Variants in TRIM44 observed in about 807,000 individuals in gnomAD.
TRIM44 encodes the protein tripartite motif containing 44, also known as tripartite motif-containing protein 44.
In TRIM44, 13 loss-of-function variants were observed where a neutral mutation model predicts 37.4. The observed-to-expected ratio is 0.35, with a 90% confidence interval of 0.23 to 0.55. The LOEUF is 0.55. Among genes scored for constraint, TRIM44 ranks in the 20% least tolerant of loss-of-function variants. The pLI is 0.89. For synonymous variants in TRIM44, 175 were observed against 157.2 expected (o/e 1.11, Z -0.85); for missense variants, 426 against 437.2 (o/e 0.97, Z 0.23).
Position 35,785,163 on chromosome 11 carries a change from C to CTAAATTTT in TRIM44, c.1008-21194_1008-21193insAAATTTTT, listed in dbSNP as rs1295416853. ...TTAATTAAAACACAAATGAATTTAG[C>CTAAATTTT]TCTGAATTGAATCTGACTTCCATAT... On this transcript the variant is annotated intron_variant, in intron 4 of 4. Coordinates refer to ENST00000299413, the MANE Select transcript of TRIM44 (RefSeq NM_017583.6). Among the ~76,000 whole-genome samples the CTAAATTTT allele has an allele frequency of 2.6e-5, 4 of 152,322 alleles. No individual in the cohort carries two copies. In the East Asian group the frequency reaches 7.7e-4, roughly 29 times the overall value.
At position 35,798,396 on chromosome 11, in the gene TRIM44, C is replaced by T. The variant is rs370365935; in HGVS notation, c.1008-7962C>T. Among the ~76,000 whole-genome samples, 11 of 152,206 alleles carry T rather than the reference C, an allele frequency of 7.2e-5. 1 individual carries two copies. The highest frequency in any genetic ancestry group is 4.6e-4 in the Admixed American group (7 of 15,282). On this transcript the variant is annotated intron_variant, in intron 4 of 4. Transcript: ENST00000299413. ...CTTTGGCTTAGTGATTTTGGGGTCC[C>T]GAGATTTATTTTCCTTTCATAGTTC...
At chr11:35,710,747 A>G (rs1590531749) in intron 2 of TRIM44, among the ~76,000 whole-genome samples, 1 of 152,268 alleles carries the variant, frequency 6.6e-6, no homozygotes, top group South Asian at 2.1e-4. Context: ...ACAGATGTAC[A>G]TTTCTCTTAC....
At chr11:35,780,273 C>G (rs1853045751) in intron 4 of TRIM44, among the ~76,000 whole-genome samples, 1 of 152,026 alleles carries the variant, frequency 6.6e-6, no homozygotes, top group Non-Finnish European at 1.5e-5. Flanking sequence ...AACATCAGCC[C>G]CAGTTTAATA....
At chr11:35,664,915 A>G (rs936869327) in intron 1 of TRIM44, among the ~76,000 whole-genome samples, 3 of 152,306 alleles carry the variant, frequency 2.0e-5, no homozygotes, top group Admixed American at 2.0e-4. Context: ...GCTTACCTTT[A>G]TGCTTTTACT....
intron 4 of TRIM44, among the ~76,000 whole-genome samples, chr11:35,737,695 G>C (rs1359061254): frequency 1.3e-5 from 2 of 152,060 alleles, no homozygotes; most frequent in Non-Finnish European, 2.9e-5. Flanking sequence ...AATTAGCCAA[G>C]GGTGGTGGCG....
rs576089292 is a variant in TRIM44, at chr11:35,772,503, G to A, written c.1008-33855G>A. ...CCTGCAAAGCCACAAGGGCAGAGCT[G>A]CCCAAGACCATGGGAACCCACCTCT... On this transcript the variant is annotated intron_variant, in intron 4 of 4. Coordinates refer to ENST00000299413, the MANE Select transcript of TRIM44 (RefSeq NM_017583.6). Among the ~76,000 whole-genome samples, 7 of 152,356 alleles carry A rather than the reference G, an allele frequency of 4.6e-5. No individual in the cohort carries two copies. In the South Asian group the frequency reaches 1.4e-3, roughly 32 times the overall value.
chr11:35,676,555 T>C (rs932123412), intron 1 of TRIM44, among the ~76,000 whole-genome samples: 1 of 152,226 alleles, frequency 6.6e-6, no homozygotes, highest in African/African-American at 2.4e-5. Context: ...GTCTTGCTGG[T>C]TGTCCTCTTT....
chr11:35,758,098 G>T (rs1281576194), intron 4 of TRIM44, among the ~76,000 whole-genome samples: 5 of 152,280 alleles, frequency 3.3e-5, no homozygotes, highest in Admixed American at 6.5e-5. Context: ...TGACAGTGGG[G>T]TGTTAAAGTC....
intron 4 of TRIM44, among the ~76,000 whole-genome samples, chr11:35,740,897 CT>C (rs1008418239): frequency 2.6e-5 from 4 of 152,034 alleles, no homozygotes; most frequent in Non-Finnish European, 4.4e-5. Context: ...AATTTTGTTT[CT>C]TTAAAAATTA....
At chr11:35,801,176 C>CTAGG (rs1853363572) in intron 4 of TRIM44, among the ~76,000 whole-genome samples, 2 of 152,334 alleles carry the variant, frequency 1.3e-5, no homozygotes, top group Admixed American at 1.3e-4. Context: ...TTTACTGCAA[C>CTAGG]TAGGCAACCA....
intron 2 of TRIM44, among the ~76,000 whole-genome samples, chr11:35,717,600 T>C (rs1195837418): frequency 6.6e-6 from 1 of 152,162 alleles, no homozygotes; most frequent in African/African-American, 2.4e-5. Flanking sequence ...TTAAACTCTT[T>C]CTCTATTGTA....
chr11:35,721,205 A>G (rs1014749713), intron 2 of TRIM44, among the ~76,000 whole-genome samples: 2 of 152,146 alleles, frequency 1.3e-5, no homozygotes, highest in Non-Finnish European at 2.9e-5. Flanking sequence ...CACCTGGCCT[A>G]TAATTCTTTT....
intron 4 of TRIM44, among the ~76,000 whole-genome samples, chr11:35,783,324 A>G (rs1259967737): frequency 6.6e-6 from 1 of 152,160 alleles, no homozygotes; most frequent in Non-Finnish European, 1.5e-5. Flanking sequence ...TTCTCCCTGT[A>G]GATCCAGCGA....
intron 2 of TRIM44, among the ~76,000 whole-genome samples, chr11:35,704,730 C>T (rs1202777186): frequency 6.6e-6 from 1 of 152,170 alleles, no homozygotes; most frequent in African/African-American, 2.4e-5. Flanking sequence ...TTGTCACCAC[C>T]AGGCCTGCCT....
intron 4 of TRIM44, among the ~76,000 whole-genome samples, chr11:35,737,429 TC>T (rs1852339901): frequency 6.6e-6 from 1 of 151,870 alleles, no homozygotes; most frequent in South Asian, 2.1e-4. Flanking sequence ...CACCTATAAT[TC>T]CAGCTACTCA....
chr11:35,700,054 C>T (rs867370158), intron 2 of TRIM44, among the ~76,000 whole-genome samples: 1 of 152,102 alleles, frequency 6.6e-6, no homozygotes, highest in African/African-American at 2.4e-5. Flanking sequence ...AATGCCATCC[C>T]CATGAAGCTA....
At chr11:35,741,056 T>G (rs1261839281) in intron 4 of TRIM44, among the ~76,000 whole-genome samples, 2 of 152,144 alleles carry the variant, frequency 1.3e-5, no homozygotes, top group African/African-American at 2.4e-5. Context: ...GTCTTCTGAT[T>G]GCAAATTTGT....
chr11:35,749,379 G>A (rs1852533841), intron 4 of TRIM44, among the ~76,000 whole-genome samples: 1 of 152,134 alleles, frequency 6.6e-6, no homozygotes, highest in African/African-American at 2.4e-5. Flanking sequence ...ACAAAAGATA[G>A]AATAAGAATA....
intron 4 of TRIM44, among the ~76,000 whole-genome samples, chr11:35,794,628 T>A (rs1853257860): frequency 6.6e-6 from 1 of 152,228 alleles, no homozygotes; most frequent in Non-Finnish European, 1.5e-5. Flanking sequence ...GTGTGCCTGG[T>A]CATTGCAGAG....
Sources: gnomAD v4.1 joint callset for allele counts (sites outside exome capture counted in the v4.1 genomes callset) on GRCh38, gnomAD v4.1.1 for gene constraint, MANE v1.5 for transcripts, NCBI Gene and HGNC (gene_info 2026-07-23, HGNC 2026-07-21) for gene names.